DHRSX: variants seen among roughly 807,000 people sequenced by gnomAD.
DHRSX encodes polyprenol dehydrogenase.
A neutral mutation model predicts 34.0 loss-of-function variants in DHRSX; 31 were observed. The observed-to-expected ratio is 0.91, with a 90% CI of 0.69 to 1.23. The LOEUF (loss-of-function observed/expected upper bound fraction) is 1.23, where lower values mean the gene tolerates loss of function less well. Ranked by LOEUF, DHRSX falls within the 50% of genes most tolerant of loss-of-function variation. The pLI, the probability that DHRSX is intolerant of heterozygous loss-of-function variation, is 0.00. For synonymous variants in DHRSX, 201 were observed against 183.8 expected (o/e 1.09, Z -0.76); for missense variants, 414 against 428.1 (o/e 0.97, Z 0.29).
chrX:2,318,680 G>A (rs1037833147), intron 3 of DHRSX, among the ~76,000 whole-genome samples: 18 of 152,070 alleles, frequency 1.2e-4, no homozygotes, highest in African/African-American at 3.1e-4. Context: ...ACCGCCCACC[G>A]GCTTCCCAGA....
At chrX:2,438,616 C>A (rs1191770254) in intron 1 of DHRSX, among the ~76,000 whole-genome samples, 1 of 149,328 alleles carries the variant, frequency 6.7e-6, no homozygotes, top group African/African-American at 2.5e-5. Context: ...TGCGGTGAGC[C>A]GAGATCACGC....
chrX:2,394,329 G>A (rs1362520717), intron 3 of DHRSX, among the ~76,000 whole-genome samples: 1 of 152,206 alleles, frequency 6.6e-6, no homozygotes, highest in Non-Finnish European at 1.5e-5. Context: ...GGGAGCTGGG[G>A]CAGGAGGGAA....
At position 2,392,077 on chromosome X, in the gene DHRSX, C is replaced by T. The variant is rs778443082; in HGVS notation, c.286+16668G>A. On this transcript the variant is annotated intron_variant, in intron 3 of 6. Transcript: ENST00000334651. ...GAGGAAGGAGGAGGGAAAACGCTGT[C>T]GTTCACCATCCCTCGCCACAGGGAG... Among the ~76,000 whole-genome samples, 8 of 152,270 alleles carry T rather than the reference C, an allele frequency of 5.3e-5. No individual in the cohort carries two copies. In the East Asian group the frequency reaches 7.7e-4, roughly 15 times the overall value.
At chrX:2,264,262 C>A (rs1451057289) in intron 5 of DHRSX, among the ~76,000 whole-genome samples, 2 of 152,052 alleles carry the variant, frequency 1.3e-5, no homozygotes, top group Non-Finnish European at 2.9e-5. Context: ...CGCTACCCAG[C>A]AGAAGCAGGG....
At chrX:2,356,270 G>C (rs937330056) in intron 3 of DHRSX, among the ~76,000 whole-genome samples, 1 of 152,052 alleles carries the variant, frequency 6.6e-6, no homozygotes, top group East Asian at 1.9e-4. Flanking sequence ...AGCTACTCAC[G>C]AGGCTGAGGC....
At chrX:2,375,920 T>G (rs2043135822) in intron 3 of DHRSX, among the ~76,000 whole-genome samples, 1 of 136,776 alleles carries the variant, frequency 7.3e-6, no homozygotes, top group Non-Finnish European at 1.7e-5. Flanking sequence ...CTGGAGCCAC[T>G]GCACCCGGCC....
At chrX:2,365,763 G>A (rs1005310876) in intron 3 of DHRSX, among the ~76,000 whole-genome samples, 1 of 152,066 alleles carries the variant, frequency 6.6e-6, no homozygotes, top group Non-Finnish European at 1.5e-5. Flanking sequence ...GCCTTGGGTG[G>A]ATACTAGAGC....
At chrX:2,264,376 AC>A (rs2124458547) in intron 5 of DHRSX, among the ~76,000 whole-genome samples, 1 of 103,232 alleles carries the variant, frequency 9.7e-6, no homozygotes, top group Non-Finnish European at 2.0e-5. Context: ...GAGCACCTCT[AC>A]CCAGCAGATG....
intron 3 of DHRSX, among the ~76,000 whole-genome samples, chrX:2,401,826 T>G (rs35472853): frequency 0.21 from 31,614 of 152,184 alleles, 3,879 homozygotes; most frequent in East Asian, 0.46. Context: ...TAAGTGATGA[T>G]AAGGAGTGAA....
At chrX:2,298,383 T>C (rs2041960944) in intron 3 of DHRSX, among the ~76,000 whole-genome samples, 1 of 128,222 alleles carries the variant, frequency 7.8e-6, no homozygotes, top group Non-Finnish European at 1.7e-5. Flanking sequence ...AGGAGGGATC[T>C]GGTCTTTTGT....
In DHRSX at chrX:2,310,228, T is replaced by C. The variant is rs761014565; in HGVS notation, c.287-18625A>G. ...GCTGATGCGACCACAGCCTGCAAAG[T>C]CTTGAGCAGGGACGAAGCTCATGAT... On this transcript the variant is annotated intron_variant, in intron 3 of 6. Coordinates refer to ENST00000334651, the MANE Select transcript of DHRSX (RefSeq NM_145177.3). 2.0e-5 allele frequency among the ~76,000 whole-genome samples: 3 copies of C among 152,080 alleles called. No individual in the cohort carries two copies. In the East Asian group the frequency reaches 5.8e-4, roughly 30 times the overall value.
chrX:2,317,269 T>TTTTTTTTTTTTTTA (rs1569487959), intron 3 of DHRSX, among the ~76,000 whole-genome samples: 8 of 132,948 alleles, frequency 6.0e-5, no homozygotes, highest in Middle Eastern at 4.6e-3. Flanking sequence ...TTTTTTTTTT[T>TTTTTTTTTTTTTTA]GAGACAGAGT....
chrX:2,339,657 G>C (rs2042616244), intron 3 of DHRSX, among the ~76,000 whole-genome samples: 1 of 152,002 alleles, frequency 6.6e-6, no homozygotes, highest in South Asian at 2.1e-4. Context: ...TTCCATTCCT[G>C]AGTTACTTCA....
intron 3 of DHRSX, among the ~76,000 whole-genome samples, chrX:2,373,246 A>G (rs2043101274): frequency 6.6e-6 from 1 of 152,166 alleles, no homozygotes; most frequent in Non-Finnish European, 1.5e-5. Context: ...CACCCTTCAC[A>G]GGTGGGAATC....
At chrX:2,261,997 G>T (rs73628263) in intron 5 of DHRSX, among the ~76,000 whole-genome samples, 6,159 of 152,208 alleles carry the variant, frequency 0.04, 440 homozygotes, top group African/African-American at 0.14. Context: ...AGCAAGTGCT[G>T]CTGGCTGTGC....
At chrX:2,264,257 C>T (rs1406875477) in intron 5 of DHRSX, among the ~76,000 whole-genome samples, 8 of 151,794 alleles carry the variant, frequency 5.3e-5, no homozygotes, top group African/African-American at 1.9e-4. Flanking sequence ...AGCACCGCTA[C>T]CCAGCAGAAG....
chrX:2,389,538 T>C (rs892696403), intron 3 of DHRSX, among the ~76,000 whole-genome samples: 1 of 152,182 alleles, frequency 6.6e-6, no homozygotes, highest in Non-Finnish European at 1.5e-5. Context: ...CTTGGCGTGC[T>C]GGACACGTGT....
chrX:2,234,592 G>C (rs375822578), intron 6 of DHRSX, among the ~76,000 whole-genome samples: 1 of 152,242 alleles, frequency 6.6e-6, no homozygotes, highest in Non-Finnish European at 1.5e-5. Flanking sequence ...CTAATATAAA[G>C]AAAGTACAGT....
At position 2,319,259 on chromosome X, in the gene DHRSX, C is replaced by T. The variant is rs374196575; in HGVS notation, c.287-27656G>A. Among the ~76,000 whole-genome samples, 29 of 144,992 alleles carry T rather than the reference C, an allele frequency of 2.0e-4. No individual in the cohort carries two copies. The East Asian group carries it at 2.6e-3, about 13-fold the overall frequency. On this transcript the variant is annotated intron_variant, in intron 3 of 6. Coordinates refer to ENST00000334651, the MANE Select transcript of DHRSX (RefSeq NM_145177.3). Reference sequence around the variant, plus strand: ...TCCTCCCCTCCCCCTCCTCTCCCTACTCCTGCAGAGTGCAGTGACTCACGC... The same window carrying T: ...TCCTCCCCTCCCCCTCCTCTCCCTATTCCTGCAGAGTGCAGTGACTCACGC...
Sources: allele counts gnomAD v4.1 joint callset (sites outside exome capture counted in the v4.1 genomes callset), GRCh38; gene constraint gnomAD v4.1.1; transcripts MANE v1.5; gene names NCBI Gene and HGNC (gene_info 2026-07-23, HGNC 2026-07-21).